KCTD2: variants seen among roughly 807,000 people sequenced by gnomAD.
KCTD2 encodes potassium channel tetramerization domain containing 2, also known as BTB/POZ domain-containing protein KCTD2.
A neutral mutation model predicts 27.9 loss-of-function variants in KCTD2; 18 were observed. The ratio of observed to expected loss-of-function variants is 0.64; its 90% confidence interval spans 0.45 to 0.96. KCTD2 has a LOEUF of 0.96. Ranked by LOEUF, KCTD2 falls within the 40% of genes least tolerant of loss-of-function variation. KCTD2 has a pLI of 0.00. For missense variants in KCTD2, 280 were observed against 348.0 expected (o/e 0.80, Z 1.56); for synonymous variants, 175 against 148.4 (o/e 1.18, Z -1.30).
At chr17:75,049,192 C>G in intron 1 of KCTD2, 28 bp from the exon 2 acceptor site, 1 of 1,410,772 alleles carries the variant, frequency 7.1e-7, no homozygotes, top group Non-Finnish European at 1.0e-6. Context: ...CAAAGGTCCA[C>G]AATGATACCC....
intron 3 of KCTD2, 191 bp from the exon 4 acceptor site, chr17:75,059,319 C>A (rs1598127887): frequency 2.5e-6 from 1 of 401,860 alleles, no homozygotes; most frequent in Admixed American, 4.1e-5. Flanking sequence ...AAAAGAAAAA[C>A]ATTTTTTAAA....
Position 75,049,331 on chromosome 17 carries a change from A to G in KCTD2, c.448+3A>G. On this transcript the variant is annotated splice_donor_region_variant and intron_variant, in intron 2 of 5. Coordinates refer to ENST00000322444, the MANE Select transcript of KCTD2 (RefSeq NM_015353.3). Reference sequence around the variant, plus strand: ...CACTAAGGAGTTGGCAGAAGAAGGTAAGCGCACTGTTTGCATTGGGGATTT... The same window carrying G: ...CACTAAGGAGTTGGCAGAAGAAGGTGAGCGCACTGTTTGCATTGGGGATTT... 4 of 1,559,726 alleles carry G rather than the reference A, an allele frequency of 2.6e-6. No individual in the cohort carries two copies. The highest frequency in any genetic ancestry group is 3.5e-6 in the Non-Finnish European group (4 of 1,132,526).
chr17:75,049,622 T>C (rs1298539302), intron 2 of KCTD2, among the ~76,000 whole-genome samples: 2 of 152,312 alleles, frequency 1.3e-5, no homozygotes, highest in African/African-American at 2.4e-5. Context: ...TTTTTTACAT[T>C]TGTTTGTGTG....
At chr17:75,048,022 C>G (rs567066024) in intron 1 of KCTD2, among the ~76,000 whole-genome samples, 1 of 152,214 alleles carries the variant, frequency 6.6e-6, no homozygotes, top group African/African-American at 2.4e-5. Flanking sequence ...CTCAGACTCC[C>G]TCTCGGACCC....
chr17:75,034,351 G>A (rs1332007322), intron 2 of KCTD2, among the ~76,000 whole-genome samples: 1 of 152,152 alleles, frequency 6.6e-6, no homozygotes, highest in Non-Finnish European at 1.5e-5. Flanking sequence ...AGGCAAGCAG[G>A]TAGCGGGCAG....
chr17:75,039,036 A>G, intron 3 of KCTD2: 1 of 1,614,108 alleles, frequency 6.2e-7, no homozygotes, highest in Non-Finnish European at 8.5e-7. Context: ...ATCTGATCAA[A>G]TGGAATTAAG....
intron 4 of KCTD2, among the ~76,000 whole-genome samples, chr17:75,059,940 G>A (rs564263475): frequency 6.6e-6 from 1 of 152,132 alleles, no homozygotes; most frequent in Non-Finnish European, 1.5e-5. Flanking sequence ...ACTGGGATTC[G>A]ACAACAATCC....
At chr17:75,045,891 C>G (rs995879185), upstream of KCTD2, among the ~76,000 whole-genome samples, 15 of 152,280 alleles carry the variant, frequency 9.9e-5, no homozygotes. Flanking sequence ...TCCATGAAAT[C>G]TCTACAATTT....
At chr17:75,052,059 T>C (rs1401961061) in intron 2 of KCTD2, among the ~76,000 whole-genome samples, 2 of 151,434 alleles carry the variant, frequency 1.3e-5, no homozygotes, top group Non-Finnish European at 2.9e-5. Context: ...GACAAAAATA[T>C]CAAGTTCAGG....
intron 3 of KCTD2, among the ~76,000 whole-genome samples, chr17:75,057,249 C>G (rs2073359406): frequency 6.6e-6 from 1 of 152,026 alleles, no homozygotes; most frequent in African/African-American, 2.4e-5. Flanking sequence ...CAACCATACC[C>G]AGACTCCTAT....
chr17:75,044,825 G>A (rs909468713), upstream of KCTD2, among the ~76,000 whole-genome samples: 2 of 152,186 alleles, frequency 1.3e-5, no homozygotes, highest in African/African-American at 2.4e-5. Context: ...CAAGGGAGGC[G>A]GAAGCAGTCT....
rs1290663592 is a variant in KCTD2 at position 75,065,311 on chromosome 17, T to C, written c.*2264T>C. 1 of 152,256 alleles carries C rather than the reference T, an allele frequency of 6.6e-6. No homozygotes were observed. The highest frequency in any genetic ancestry group is 2.4e-5 in the African/African-American group (1 of 41,428). The allele number at this position is 152,256 out of a possible 1,614,324, so 9.4% of individuals were successfully genotyped here. ...TGGGTTCTTAAGATTTCTGGGAGCGTTGTTCACCCACCCCCTTTAGGAACC... is the reference window on the plus strand; with the variant it reads ...TGGGTTCTTAAGATTTCTGGGAGCGCTGTTCACCCACCCCCTTTAGGAACC... On this transcript the variant is annotated 3_prime_UTR_variant, in exon 6 of 6. Transcript: ENST00000322444.
intron 2 of KCTD2, among the ~76,000 whole-genome samples, chr17:75,052,728 G>C (rs1363209379): frequency 6.6e-6 from 1 of 151,716 alleles, no homozygotes; most frequent in African/African-American, 2.4e-5. Flanking sequence ...TGTTTCGGGC[G>C]GGGGGAAAAA....
At chr17:75,042,736 A>G, upstream of KCTD2, 1 of 1,388,024 alleles carries the variant, frequency 7.2e-7, no homozygotes. Context: ...AAATAACAAA[A>G]TAAGAGCTCT....
chr17:75,046,545 G>A (rs1214463072), upstream of KCTD2, among the ~76,000 whole-genome samples: 1 of 152,258 alleles, frequency 6.6e-6, no homozygotes, highest in Non-Finnish European at 1.5e-5. Flanking sequence ...GCTGCCGAAG[G>A]GGAAGGGCGC....
chr17:75,062,945 A>C (rs888890481), intron 5 of KCTD2, 73 bp from the exon 6 acceptor site: 1 of 1,510,192 alleles, frequency 6.6e-7, no homozygotes, highest in African/African-American at 1.4e-5. Flanking sequence ...CATCGGGTCC[A>C]GTGGAAAGCA....
intron 3 of KCTD2, chr17:75,039,388 G>T: frequency 1.1e-6 from 1 of 906,778 alleles, no homozygotes; most frequent in South Asian, 1.5e-5. Context: ...TGGAGAAACT[G>T]TGGTTACCCT....
At chr17:75,054,302 C>T (rs906584582) in intron 3 of KCTD2, among the ~76,000 whole-genome samples, 2 of 152,082 alleles carry the variant, frequency 1.3e-5, no homozygotes, top group African/African-American at 4.8e-5. Context: ...TGTGAGCTAC[C>T]GCACCTGGCC....
At chr17:75,052,933 GCATGTAACCTTCATCCT>G (rs2073304245) in intron 2 of KCTD2, 64 bp from the exon 3 acceptor site, 2 of 979,480 alleles carry the variant, frequency 2.0e-6, no homozygotes, top group Non-Finnish European at 3.3e-6. Context: ...TTTTTAGCAA[GCATGTAACCTTCATCCT>G]CTCCTTGGTG....
Sources: allele counts gnomAD v4.1 joint callset (sites outside exome capture counted in the v4.1 genomes callset), GRCh38; gene constraint gnomAD v4.1.1; transcripts MANE v1.5; gene names NCBI Gene and HGNC (gene_info 2026-07-23, HGNC 2026-07-21).